ZNF678: variants seen among roughly 807,000 people sequenced by gnomAD.
ZNF678 encodes the protein hypothetical protein MGC42493.
ZNF678 carries 5 observed loss-of-function variants against 3.0 expected under a neutral mutation model. The ratio of observed to expected loss-of-function variants is 1.69; its 90% CI spans 0.88 to 3.56. ZNF678 has a LOEUF of 3.56. ZNF678 is among the 30% of genes most tolerant of loss of function. The pLI is 0.00. For synonymous variants in ZNF678, 218 were observed against 199.6 expected, an observed-to-expected ratio of 1.09 and a Z score of -0.78; for missense variants, 593 against 605.0, an observed-to-expected ratio of 0.98 and a Z score of 0.21.
chr1:227,601,249 T>TA (rs1257282334), intron 1 of ZNF678, among the ~76,000 whole-genome samples: 9 of 152,046 alleles, frequency 5.9e-5, no homozygotes, highest in Admixed American at 4.6e-4. Flanking sequence ...CAGTCTTTTT[T>TA]AAAAAAAAGT....
chr1:227,618,493 C>T (rs192233501), intron 1 of ZNF678, among the ~76,000 whole-genome samples: 1 of 152,274 alleles, frequency 6.6e-6, no homozygotes, highest in East Asian at 1.9e-4. Context: ...TTATTTTCTC[C>T]CAGGCTGCAG....
chr1:227,595,545 T>C (rs530549058), intron 1 of ZNF678, among the ~76,000 whole-genome samples: 123 of 152,274 alleles, frequency 8.1e-4, no homozygotes, highest in African/African-American at 2.8e-3. Context: ...AAATCCTTTT[T>C]TGAAATTTTT....
At chr1:227,605,552 C>T (rs534159716) in intron 1 of ZNF678, among the ~76,000 whole-genome samples, 24 of 152,202 alleles carry the variant, frequency 1.6e-4, no homozygotes, top group African/African-American at 5.1e-4. Flanking sequence ...TAATATTTAC[C>T]GTACATTTTA....
In ZNF678 at chr1:227,579,897, G is replaced by A. The variant is rs188836110; in HGVS notation, c.-164+16173G>A. ...TGAGCCTGTGGGGATGGTTGGCCAA[G>A]TCCACACTTCACTACAGATGCTTCT... On this transcript the variant is annotated intron_variant, in intron 1 of 3. Transcript: ENST00000343776. Among the ~76,000 whole-genome samples, 208 of 152,308 alleles carry A rather than the reference G, an allele frequency of 1.4e-3. 1 individual carries two copies. Among genetic ancestry groups the A allele is most frequent in the Non-Finnish European group, 2.7e-3 (184 of 68,022 alleles).
chr1:227,575,212 C>T (rs550353429), intron 1 of ZNF678, among the ~76,000 whole-genome samples: 2 of 152,140 alleles, frequency 1.3e-5, no homozygotes, highest in African/African-American at 2.4e-5. Context: ...CAAGGGATTG[C>T]CTTGGCTATT....
intron 1 of ZNF678, among the ~76,000 whole-genome samples, chr1:227,593,033 T>C (rs185632212): frequency 6.6e-6 from 1 of 152,344 alleles, no homozygotes; most frequent in Admixed American, 6.5e-5. Context: ...GTGAACTTAG[T>C]GTTGGGAGAC....
chr1:227,565,328 C>T (rs180969975), intron 1 of ZNF678, among the ~76,000 whole-genome samples: 64 of 150,508 alleles, frequency 4.3e-4, no homozygotes, highest in African/African-American at 1.5e-3. Context: ...CCTCCCAAAG[C>T]GTTGGGATTA....
chr1:227,640,701 A>G (rs1658798955), intron 1 of ZNF678, among the ~76,000 whole-genome samples: 1 of 152,180 alleles, frequency 6.6e-6, no homozygotes, highest in South Asian at 2.1e-4. Context: ...TCGCAAAAAA[A>G]GACAAGGTGT....
At chr1:227,577,997 C>A (rs573154732) in intron 1 of ZNF678, among the ~76,000 whole-genome samples, 46 of 152,192 alleles carry the variant, frequency 3.0e-4, no homozygotes, top group African/African-American at 9.9e-4. Flanking sequence ...GCTTATGAAT[C>A]TTAATTTGGC....
chr1:227,583,338 TTTTTTTC>T (rs1382739425), intron 1 of ZNF678, among the ~76,000 whole-genome samples: 105 of 150,666 alleles, frequency 7.0e-4, no homozygotes, highest in South Asian at 5.4e-3. Context: ...AAAATTTCTT[TTTTTTTC>T]TTTTTTCTTT....
At position 227,654,411 on chromosome 1, in the gene ZNF678, C is replaced by CTCT. The variant is rs772984992; in HGVS notation, c.161_162insTCT (p.Thr54_Arg55insLeu). On this transcript the variant is annotated inframe_insertion, in exon 4 of 4. Coordinates refer to ENST00000343776, the MANE Select transcript of ZNF678 (RefSeq NM_001367909.1). The stretch of plus-strand genomic sequence containing the variant: ...GATTTATGCCAAAAAGTGACACTGA[C>CTCT]AAGACATAGAAGCTGGGGCCTTGAC... 1 of 1,611,250 alleles carries CTCT rather than the reference C, an allele frequency of 6.2e-7. No individual in the cohort carries two copies. The highest frequency in any genetic ancestry group is 1.3e-5 in the African/African-American group (1 of 74,780).
intron 1 of ZNF678, among the ~76,000 whole-genome samples, chr1:227,610,489 C>T (rs144503788): frequency 2.2e-4 from 33 of 152,300 alleles, no homozygotes; most frequent in African/African-American, 7.5e-4. Flanking sequence ...CTCTGATTTC[C>T]ACATACCCAG....
intron 1 of ZNF678, among the ~76,000 whole-genome samples, chr1:227,640,756 T>C (rs1367705201): frequency 1.3e-5 from 2 of 152,054 alleles, no homozygotes; most frequent in Non-Finnish European, 2.9e-5. Flanking sequence ...GCAGGTTTTT[T>C]ATGGGGCAGC....
rs17854209 is a variant in ZNF678 at position 227,654,680 on chromosome 1, A to G, written c.430A>G (p.Lys144Glu). The G allele has an allele frequency of 2.5e-6, 4 of 1,613,166 alleles. No homozygotes were observed. The East Asian group carries it at 8.9e-5, about 36-fold the overall frequency. Residue 144 changes from lysine (K) to glutamate (E), a missense_variant, in exon 4 of 4, where the codon AAA (lysine) becomes GAA (glutamate). By Grantham distance (56) the Lys-to-Glu change is moderately conservative. Transcript: ENST00000343776. ...FNRCSNLTKH[K>E]RIHTGEKPYK... is the part of the protein sequence containing the mutation. The stretch of plus-strand genomic sequence containing the variant: ...TCGATGTTCAAACCTAACAAAACAT[A>G]AAAGAATTCATACTGGAGAGAAACC...
At chr1:227,605,069 A>T (rs1657830923) in intron 1 of ZNF678, among the ~76,000 whole-genome samples, 1 of 151,984 alleles carries the variant, frequency 6.6e-6, no homozygotes, top group African/African-American at 2.4e-5. Context: ...GTTAGCCAGG[A>T]TGGTTTCGAG....
intron 1 of ZNF678, among the ~76,000 whole-genome samples, chr1:227,603,340 G>A (rs1167810115): frequency 1.3e-5 from 2 of 152,178 alleles, no homozygotes; most frequent in African/African-American, 2.4e-5. Context: ...GTGCTAGGTG[G>A]TTCGCCTTTA....
intron 1 of ZNF678, among the ~76,000 whole-genome samples, chr1:227,644,025 A>G (rs1169022111): frequency 6.6e-6 from 1 of 151,818 alleles, no homozygotes; most frequent in Non-Finnish European, 1.5e-5. Flanking sequence ...CATGACGCCC[A>G]GCTAATTTTT....
chr1:227,577,712 A>T (rs1235846932), intron 1 of ZNF678, among the ~76,000 whole-genome samples: 1 of 152,022 alleles, frequency 6.6e-6, no homozygotes, highest in Non-Finnish European at 1.5e-5. Context: ...GTGTCTTTTT[A>T]TTGGGGCATT....
intron 1 of ZNF678, among the ~76,000 whole-genome samples, chr1:227,642,089 T>A (rs916616697): frequency 6.6e-6 from 1 of 152,190 alleles, no homozygotes; most frequent in Admixed American, 6.5e-5. Context: ...ATTCTGTAGC[T>A]CCACGAAATA....
Sources: gnomAD v4.1 joint callset for allele counts (sites outside exome capture counted in the v4.1 genomes callset) on GRCh38, gnomAD v4.1.1 for gene constraint, MANE v1.5 for transcripts, NCBI Gene and HGNC (gene_info 2026-07-23, HGNC 2026-07-21) for gene names.